Variants in RAP1GAP2 observed in about 807,000 individuals in gnomAD.
The protein encoded by RAP1GAP2 is rap1 GTPase-activating protein 2.
RAP1GAP2 carries 27 observed loss-of-function variants against 95.0 expected under a neutral mutation model. The observed-to-expected ratio is 0.28, with a 90% CI of 0.21 to 0.39. The LOEUF (loss-of-function observed/expected upper bound fraction) is 0.39, where lower values mean the gene tolerates loss of function less well. RAP1GAP2 is among the 10% of genes least tolerant of loss of function. RAP1GAP2 has a pLI of 1.00. For missense variants in RAP1GAP2, 771 were observed against 970.0 expected, an observed-to-expected ratio of 0.79 and a Z score of 2.72; for synonymous variants, 373 against 380.9, an observed-to-expected ratio of 0.98 and a Z score of 0.24.
chr17:2,856,978 C>T (rs72817398), intron 2 of RAP1GAP2, among the ~76,000 whole-genome samples: 23,505 of 152,222 alleles, frequency 0.15, 1,967 homozygotes, highest in East Asian at 0.24. Context: ...GTGCAGCAAG[C>T]ACTATTGACC....
intron 3 of RAP1GAP2, among the ~76,000 whole-genome samples, chr17:2,928,633 AG>A (rs1324322047): frequency 6.6e-6 from 1 of 152,202 alleles, no homozygotes; most frequent in Non-Finnish European, 1.5e-5. Context: ...AGGCTCCGGC[AG>A]GGCGAGTAAA....
At chr17:2,805,754 A>ATGTG (rs71377539) in intron 2 of RAP1GAP2, among the ~76,000 whole-genome samples, 105 of 150,286 alleles carry the variant, frequency 7.0e-4, no homozygotes, top group Non-Finnish European at 1.2e-3. Context: ...AGATGCGTGT[A>ATGTG]TGTGTGTGTG....
chr17:2,889,889 A>ATTTT lies in RAP1GAP2; in HGVS notation c.81-15383_81-15380dup, dbSNP rs3039128. Among the ~76,000 whole-genome samples the ATTTT allele has an allele frequency of 5.8e-4, 33 of 57,292 alleles. 1 individual carries two copies. The highest frequency in any genetic ancestry group is 1.6e-3 in the South Asian group (2 of 1,276). The allele number at this position is 57,292 out of a possible 152,430, so 37.6% of individuals were successfully genotyped here. On this transcript the variant is annotated intron_variant, in intron 2 of 24. Transcript: ENST00000254695. ...TATATATATATATATATATATATAT[A>ATTTT]TTTTTTTTTTTTTTTGTAGAGATGG...
intron 3 of RAP1GAP2, among the ~76,000 whole-genome samples, chr17:2,914,946 C>T (rs1204828304): frequency 2.0e-5 from 3 of 151,856 alleles, no homozygotes; most frequent in Admixed American, 6.6e-5. Context: ...TGCCCGCCAC[C>T]ACGCCCAGCT....
At position 2,781,101 on chromosome 17, in the gene RAP1GAP2, G is replaced by T. The variant is rs1157469180; in HGVS notation, c.-14+3823G>T. ...GATACAAGGCTGTGCCGAGCCCCTGGCCCCGGCCACGCTCTGGTTCTGGAC... is the reference window on the plus strand; with the variant it reads ...GATACAAGGCTGTGCCGAGCCCCTGTCCCCGGCCACGCTCTGGTTCTGGAC... On this transcript the variant is annotated intron_variant, in intron 1 of 24. Coordinates refer to the RAP1GAP2 transcript ENST00000540393. Among the ~76,000 whole-genome samples, 3 of 152,232 alleles carry T rather than the reference G, an allele frequency of 2.0e-5. No homozygotes were observed. The South Asian group carries it at 6.2e-4, about 32-fold the overall frequency.
At chr17:2,911,844 G>A (rs1465157147) in intron 3 of RAP1GAP2, among the ~76,000 whole-genome samples, 1 of 152,192 alleles carries the variant, frequency 6.6e-6, no homozygotes, top group East Asian at 1.9e-4. Flanking sequence ...CTCATGGGAA[G>A]GACACAGAGC....
rs2046925127 is a variant in RAP1GAP2 at position 3,020,541 on chromosome 17, T to C, written c.1697T>C (p.Leu566Pro). The change falls in exon 19 of 25, where the codon CTC (leucine) becomes CCC (proline). Residue 566 changes from leucine to proline, a missense_variant. Transcript: ENST00000254695. The stretch of plus-strand genomic sequence containing the variant: ...AGTCCCATCAAGCGACGCTCGGGGC[T>C]CTTCCCCCGCCTGCACACGGGCTCA... ...SRSPIKRRSG[L>P]FPRLHTGSEG... is the part of the protein sequence containing the mutation. 6.2e-7 allele frequency: 1 copy of C among 1,613,716 alleles called. No individual in the cohort carries two copies. The highest frequency in any genetic ancestry group is 8.5e-7 in the Non-Finnish European group (1 of 1,179,860).
chr17:2,790,510 A>G (rs1567650152), intron 1 of RAP1GAP2, among the ~76,000 whole-genome samples: 1 of 152,198 alleles, frequency 6.6e-6, no homozygotes, highest in Non-Finnish European at 1.5e-5. Context: ...GAAGTCTCAA[A>G]AGAGTAGGTC....
Position 2,998,328 on chromosome 17 carries a change from C to T in RAP1GAP2, c.1152C>T (p.Tyr384=), listed in dbSNP as rs1349843935. 1.9e-6 allele frequency: 3 copies of T among 1,614,080 alleles called. No individual in the cohort carries two copies. Among genetic ancestry groups the T allele is most frequent in the South Asian group, 1.1e-5 (1 of 91,090 alleles). The change falls in exon 14 of 25, where the codon TAC becomes TAT. Residue 384 remains tyrosine, a synonymous_variant. Transcript: ENST00000254695. ...DMIASNFLHA[Y]IVVQVETPGT... ...TAGCCTCCAATTTCTTACATGCCTA[C>T]ATCGTCGTGCAGGTCGAGACCCCAG... is the stretch of plus-strand genomic sequence containing the variant.
chr17:3,012,825 G>T (rs538062097), intron 17 of RAP1GAP2, among the ~76,000 whole-genome samples: 1 of 152,108 alleles, frequency 6.6e-6, no homozygotes, highest in African/African-American at 2.4e-5. Context: ...GAACGATGCT[G>T]ATCTCTAGAC....
In RAP1GAP2 at chr17:2,760,756, C is replaced by T. The variant is rs560720739; in HGVS notation, c.50+4989C>T. 1.1e-3 allele frequency among the ~76,000 whole-genome samples: 168 copies of T among 152,022 alleles called. 1 individual carries two copies. The highest frequency in any genetic ancestry group is 3.3e-3 in the African/African-American group (138 of 41,404). ...CGTTTAGTTCCTGTGCTTCGTTGAG[C>T]TCCTCTTAGCTGTGAAAGCTTCTCA... On this transcript the variant is annotated intron_variant, in intron 1 of 25. Coordinates refer to the RAP1GAP2 transcript ENST00000637138.
chr17:2,894,538 C>A (rs1307321583), intron 2 of RAP1GAP2, among the ~76,000 whole-genome samples: 1 of 152,138 alleles, frequency 6.6e-6, no homozygotes, highest in Non-Finnish European at 1.5e-5. Flanking sequence ...TTACACCTGT[C>A]TTTCTGCTTA....
At chr17:2,819,330 T>C (rs1291873183) in intron 2 of RAP1GAP2, among the ~76,000 whole-genome samples, 9 of 151,288 alleles carry the variant, frequency 5.9e-5, no homozygotes, top group Non-Finnish European at 1.3e-4. Context: ...TTTTTTTTTT[T>C]TTTCTTTTTT....
In RAP1GAP2 at chr17:2,875,772, T is replaced by G. The variant is rs540708497; in HGVS notation, c.81-29512T>G. On this transcript the variant is annotated intron_variant, in intron 2 of 24. Coordinates refer to ENST00000254695, the MANE Select transcript of RAP1GAP2 (RefSeq NM_015085.5). ...CTGGCCTTCCACCTGCTGTCGTGCC[T>G]GGGCCCCTTCCTCTTCTCTGTCTCC... Among the ~76,000 whole-genome samples the G allele has an allele frequency of 2.6e-5, 4 of 152,150 alleles. No individual in the cohort carries two copies. The East Asian group carries it at 5.8e-4, about 22-fold the overall frequency.
chr17:2,966,197 G>C (rs1276694761), intron 8 of RAP1GAP2, among the ~76,000 whole-genome samples: 1 of 152,164 alleles, frequency 6.6e-6, no homozygotes, highest in Non-Finnish European at 1.5e-5. Flanking sequence ...GTTTCTGTTT[G>C]GTTTAGCTAA....
Position 2,866,797 on chromosome 17 carries a change from A to G in RAP1GAP2, c.81-38487A>G, listed in dbSNP as rs2072631147. On this transcript the variant is annotated intron_variant, in intron 2 of 24. Transcript: ENST00000254695. This position sits in a 1 kb window ranked among gnomAD's most constrained non-coding sequence, Gnocchi z 4.0. Reference sequence around the variant, plus strand: ...ATGTTTTTAGTAGAGATGGGGTTTCACCACGTTGGCCGGGCTGGTCTCGAA... The same window carrying G: ...ATGTTTTTAGTAGAGATGGGGTTTCGCCACGTTGGCCGGGCTGGTCTCGAA... Among the ~76,000 whole-genome samples the G allele has an allele frequency of 6.6e-6, 1 of 151,968 alleles. No homozygotes were observed. The highest frequency in any genetic ancestry group is 1.5e-5 in the Non-Finnish European group (1 of 68,006).
At chr17:2,959,858 T>G (rs9901627) in intron 4 of RAP1GAP2, among the ~76,000 whole-genome samples, 66,862 of 151,608 alleles carry the variant, frequency 0.44, 16,702 homozygotes, top group African/African-American at 0.68. Context: ...AGTTGCGGTG[T>G]CTCACACCTG....
In RAP1GAP2 at chr17:3,005,473, C is replaced by T. The variant is rs1365542106; in HGVS notation, c.1272+33C>T. ...ACTCTTCCTTCTGCCCCTCTCGCATCCACGATGCCAGGTCTCAGTGCTTGA... is the reference window on the plus strand; with the variant it reads ...ACTCTTCCTTCTGCCCCTCTCGCATTCACGATGCCAGGTCTCAGTGCTTGA... On this transcript the variant is annotated intron_variant, in intron 15 of 24. Coordinates refer to ENST00000254695, the MANE Select transcript of RAP1GAP2 (RefSeq NM_015085.5). The surrounding 1 kb of genome is among the most constrained non-coding windows in gnomAD (Gnocchi z 5.2). The T allele has an allele frequency of 1.3e-6, 2 of 1,582,880 alleles. No homozygotes were observed. The highest frequency in any genetic ancestry group is 1.3e-5 in the African/African-American group (1 of 74,334).
chr17:2,782,981 C>A (rs956286877), intron 1 of RAP1GAP2, among the ~76,000 whole-genome samples: 1 of 152,234 alleles, frequency 6.6e-6, no homozygotes, highest in African/African-American at 2.4e-5. Flanking sequence ...CGTGCCCCTG[C>A]ACTCCAGCCT....
Sources: allele counts gnomAD v4.1 joint callset (sites outside exome capture counted in the v4.1 genomes callset), GRCh38; gene constraint gnomAD v4.1.1; non-coding constraint Gnocchi (gnomAD v3.1); transcripts MANE v1.5; gene names NCBI Gene and HGNC (gene_info 2026-07-23, HGNC 2026-07-21).